Variants in GRIK4 observed in about 807,000 individuals in gnomAD.
GRIK4 encodes the protein glutamate receptor ionotropic, kainate 4.
A neutral mutation model predicts 104.9 loss-of-function variants in GRIK4; 40 were observed. The ratio of observed to expected loss-of-function variants is 0.38; its 90% CI spans 0.30 to 0.50. The LOEUF is 0.50. Among genes scored for constraint, GRIK4 ranks in the 20% least tolerant of loss-of-function variants. The pLI is 0.93. For synonymous variants in GRIK4, 485 were observed against 524.9 expected (o/e 0.92, Z 1.04); for missense variants, 1,047 against 1,308.1 (o/e 0.80, Z 3.08).
At chr11:120,829,414 G>C (rs906523893) in intron 6 of GRIK4, among the ~76,000 whole-genome samples, 2 of 152,124 alleles carry the variant, frequency 1.3e-5, no homozygotes, top group Non-Finnish European at 2.9e-5. Flanking sequence ...CAAACAAAAC[G>C]GGGATGTGAT....
At chr11:120,808,249 G>C (rs971920199) in intron 4 of GRIK4, among the ~76,000 whole-genome samples, 6 of 152,278 alleles carry the variant, frequency 3.9e-5, no homozygotes, top group African/African-American at 1.4e-4. Flanking sequence ...AGCACCCTGG[G>C]CTTCTCTCCT....
At chr11:120,653,881 G>C (rs1297877758) in intron 2 of GRIK4, 89 bp downstream of exon 2, 1 of 152,262 alleles carries the variant, frequency 6.6e-6, no homozygotes. Context: ...GTAAGGCCCA[G>C]AGCCAGATGG....
intron 3 of GRIK4, among the ~76,000 whole-genome samples, chr11:120,698,660 C>T (rs1950497470): frequency 6.6e-6 from 1 of 152,202 alleles, no homozygotes; most frequent in South Asian, 2.1e-4. Flanking sequence ...CCTGCTGCCC[C>T]TTCCCCCTGG....
chr11:120,649,740 A>C (rs1481988969), intron 1 of GRIK4, among the ~76,000 whole-genome samples: 1 of 152,220 alleles, frequency 6.6e-6, no homozygotes, highest in East Asian at 1.9e-4. Flanking sequence ...AGGACTGCTC[A>C]TCTCCTCCCA....
At chr11:120,673,361 C>T (rs12363187) in intron 3 of GRIK4, among the ~76,000 whole-genome samples, 23,589 of 152,190 alleles carry the variant, frequency 0.15, 1,991 homozygotes, top group South Asian at 0.23. Flanking sequence ...GGCGGTCTCA[C>T]GGACACAGAG....
intron 3 of GRIK4, among the ~76,000 whole-genome samples, chr11:120,746,006 TG>T (rs965895439): frequency 8.5e-5 from 13 of 152,152 alleles, no homozygotes; most frequent in Non-Finnish European, 1.9e-4. Flanking sequence ...GTTTGGGACT[TG>T]GGGATGTTTT....
intron 3 of GRIK4, among the ~76,000 whole-genome samples, chr11:120,751,637 C>T (rs1036690725): frequency 1.3e-5 from 2 of 152,138 alleles, no homozygotes; most frequent in South Asian, 2.1e-4. Flanking sequence ...GACACACAGT[C>T]GGACAGCCAC....
At chr11:120,511,926 C>T in intron 1 of GRIK4, 39 bp downstream of exon 1, 1 of 153,684 alleles carries the variant, frequency 6.5e-6, no homozygotes, top group East Asian at 2.0e-4. Context: ...CCGGCCCGCT[C>T]CCTGCGCTGC....
rs990396826 is a variant in GRIK4, at chr11:120,986,996, T to G, written c.*736T>G. Reference sequence around the variant, plus strand: ...TCAGATGGAGAGTCTCAAAAGTCCATTGCAGTAAACTTTGAGATGCCAAAA... The same window carrying G: ...TCAGATGGAGAGTCTCAAAAGTCCAGTGCAGTAAACTTTGAGATGCCAAAA... On this transcript the variant is annotated 3_prime_UTR_variant, in exon 21 of 21. Transcript: ENST00000527524. 6.6e-6 allele frequency: 1 copy of G among 152,278 alleles called. No individual in the cohort carries two copies. The highest frequency in any genetic ancestry group is 2.4e-5 in the African/African-American group (1 of 41,466). The allele number at this position is 152,278 out of a possible 1,614,324, so 9.4% of individuals were successfully genotyped here.
chr11:120,565,804 A>G (rs553416064), intron 1 of GRIK4, among the ~76,000 whole-genome samples: 3 of 152,220 alleles, frequency 2.0e-5, no homozygotes, highest in Admixed American at 6.5e-5. Context: ...ACCTGGCCAC[A>G]TGAGAAAACT....
chr11:120,885,973 T>C (rs1955108776), intron 11 of GRIK4, among the ~76,000 whole-genome samples: 1 of 152,224 alleles, frequency 6.6e-6, no homozygotes, highest in South Asian at 2.1e-4. Context: ...CTAGACCAAA[T>C]TCTGCTTCTT....
Position 120,538,590 on chromosome 11 carries a change from C to T in GRIK4, c.-159+26703C>T, listed in dbSNP as rs12288658. 4.6e-5 allele frequency among the ~76,000 whole-genome samples: 7 copies of T among 152,342 alleles called. No homozygotes were observed. In the South Asian group the frequency reaches 6.2e-4, roughly 14 times the overall value. Reference sequence around the variant, plus strand: ...TTATCATTGGCTTCCTGGCCGCTTACGGCTGGCTGGGCAGACTGCCTCGGG... The same window carrying T: ...TTATCATTGGCTTCCTGGCCGCTTATGGCTGGCTGGGCAGACTGCCTCGGG... On this transcript the variant is annotated intron_variant, in intron 1 of 20. Transcript: ENST00000527524.
chr11:120,909,792 G>C (rs1161713947), intron 13 of GRIK4, among the ~76,000 whole-genome samples: 1 of 152,136 alleles, frequency 6.6e-6, no homozygotes, highest in African/African-American at 2.4e-5. Context: ...AAGTGTAGAG[G>C]CCCAGGGTTA....
chr11:120,950,124 T>C (rs1943963631), intron 14 of GRIK4, among the ~76,000 whole-genome samples: 1 of 152,190 alleles, frequency 6.6e-6, no homozygotes, highest in African/African-American at 2.4e-5. Flanking sequence ...TTTGGCATCA[T>C]AGAGACAGCA....
At chr11:120,751,995 A>G (rs2135425198) in intron 3 of GRIK4, among the ~76,000 whole-genome samples, 1 of 152,196 alleles carries the variant, frequency 6.6e-6, no homozygotes, top group African/African-American at 2.4e-5. Flanking sequence ...TGTGAGCTGG[A>G]GGAGCTATTA....
chr11:120,728,188 A>G (rs1353803133), intron 3 of GRIK4, among the ~76,000 whole-genome samples: 1 of 152,212 alleles, frequency 6.6e-6, no homozygotes, highest in Admixed American at 6.5e-5. Flanking sequence ...AAAGTGACAT[A>G]TAGGAGAAAG....
intron 1 of GRIK4, among the ~76,000 whole-genome samples, chr11:120,534,126 A>G (rs55765491): frequency 0.43 from 64,812 of 151,864 alleles, 16,008 homozygotes; most frequent in East Asian, 0.67. Flanking sequence ...CCAGAAGCAC[A>G]AAGGAGGTAG....
chr11:120,670,699 T>TTTTTTTTA (rs1950001193), intron 3 of GRIK4, among the ~76,000 whole-genome samples: 1 of 105,290 alleles, frequency 9.5e-6, no homozygotes. Flanking sequence ...TTCCTTTTTC[T>TTTTTTTTA]TTTTTTTATT....
intron 8 of GRIK4, among the ~76,000 whole-genome samples, chr11:120,853,424 T>G (rs1008075057): frequency 2.0e-5 from 3 of 152,142 alleles, no homozygotes; most frequent in African/African-American, 7.2e-5. Context: ...GAGTCCGTAG[T>G]CTAGGACCAA....
Sources: allele counts gnomAD v4.1 joint callset (sites outside exome capture counted in the v4.1 genomes callset), GRCh38; gene constraint gnomAD v4.1.1; transcripts MANE v1.5; gene names NCBI Gene and HGNC (gene_info 2026-07-23, HGNC 2026-07-21).